Variants in MON1B observed in about 807,000 individuals in gnomAD.
MON1B encodes vacuolar fusion protein MON1 homolog B.
A neutral mutation model predicts 45.1 loss-of-function variants in MON1B; 26 were observed. That is an observed-to-expected ratio of 0.58 (90% CI 0.42 to 0.80). MON1B has a LOEUF of 0.80. MON1B is among the 30% of genes least tolerant of loss of function. The pLI, the probability that MON1B is intolerant of heterozygous loss-of-function variation, is 0.00. For synonymous variants in MON1B, 395 were observed against 320.2 expected, an observed-to-expected ratio of 1.23 and a Z score of -2.49; for missense variants, 737 against 754.5, an observed-to-expected ratio of 0.98 and a Z score of 0.27.
chr16:77,200,693 T>A lies in MON1B; in HGVS notation c.*2385T>A, dbSNP rs1172112703. 1 of 145,116 alleles carries A rather than the reference T, an allele frequency of 6.9e-6. No homozygotes were observed. Among genetic ancestry groups the A allele is most frequent in the Non-Finnish European group, 1.5e-5 (1 of 67,206 alleles). 9.0% of individuals were successfully genotyped at this position (145,116 alleles called of 1,614,324 possible). On this transcript the variant is annotated 3_prime_UTR_variant, in exon 6 of 6. Transcript: ENST00000248248. ...ATTGCTTGAACCCGGGAGGCAGAGG[T>A]TATCGTGAGCTGACATTGCGCCACT...
Position 77,193,034 on chromosome 16 carries a change from G to C in MON1B, c.149-417G>C, listed in dbSNP as rs1488653722. Among the ~76,000 whole-genome samples the C allele has an allele frequency of 6.6e-6, 1 of 151,978 alleles. No individual in the cohort carries two copies. The highest frequency in any genetic ancestry group is 1.5e-5 in the Non-Finnish European group (1 of 68,010). ...TAAGATATTAATAGATGTTAATGGTGGCCATTGGGTGAGCAGATATCAGGA... is the reference window on the plus strand; with the variant it reads ...TAAGATATTAATAGATGTTAATGGTCGCCATTGGGTGAGCAGATATCAGGA... On this transcript the variant is annotated intron_variant, in intron 2 of 5. Transcript: ENST00000248248. This position sits in a 1 kb window ranked among gnomAD's most constrained non-coding sequence, Gnocchi z 5.0.
At position 77,191,205 on chromosome 16, in the gene MON1B, G is replaced by A. The variant is rs1343894134; in HGVS notation, c.-64G>A. ...CCGCACCCGGAAGTGTGATGCCACC[G>A]CCGCTACGGGGAAGTAATGGTATCC... On this transcript the variant is annotated 5_prime_UTR_variant, in exon 1 of 6. Coordinates refer to ENST00000248248, the MANE Select transcript of MON1B (RefSeq NM_014940.4). 1.2e-5 allele frequency: 19 copies of A among 1,536,024 alleles called. No individual in the cohort carries two copies. The highest frequency in any genetic ancestry group is 1.7e-4 in the Middle Eastern group (1 of 5,972).
chr16:77,197,303 G>A (rs934611055), intron 5 of MON1B, among the ~76,000 whole-genome samples: 5 of 152,154 alleles, frequency 3.3e-5, no homozygotes, highest in Admixed American at 1.3e-4. Context: ...GGCTGAGGCA[G>A]GAGAATCGCT....
At position 77,195,560 on chromosome 16, in the gene MON1B, A is replaced by G. The variant is rs747931127; in HGVS notation, c.1321A>G (p.Arg441Gly). Reference sequence around the variant, plus strand: ...CCCTGAGCTAGAGGCCCCCTACAGCAGAGAGGAGGAGCGGCAGCGGCTGTC... The same window carrying G: ...CCCTGAGCTAGAGGCCCCCTACAGCGGAGAGGAGGAGCGGCAGCGGCTGTC... ...TSPELEAPYSREEERQRLSDL... is the reference protein window; with the variant it reads ...TSPELEAPYSGEEERQRLSDL... The change falls in exon 5 of 6, where the codon AGA (arginine) becomes GGA (glycine). Residue 441 changes from arginine (R) to glycine (G), a missense_variant. Coordinates refer to ENST00000248248, the MANE Select transcript of MON1B (RefSeq NM_014940.4). 2.0e-5 allele frequency: 32 copies of G among 1,613,976 alleles called. No homozygotes were observed. The South Asian group carries it at 3.3e-4, about 17-fold the overall frequency.
chr16:77,196,647 G>A (rs12928712), intron 5 of MON1B, among the ~76,000 whole-genome samples: 4,785 of 152,208 alleles, frequency 0.031, 106 homozygotes, highest in African/African-American at 0.049. Context: ...GTGGTGGTGC[G>A]CACCTGTAGT....
At chr16:77,195,502 A>T in intron 4 of MON1B, 33 bp from the exon 5 acceptor site, 1 of 1,597,412 alleles carries the variant, frequency 6.3e-7, no homozygotes, top group Non-Finnish European at 8.5e-7. Context: ...GCCCTGGACT[A>T]ACCTTGTCCT....
Position 77,193,339 on chromosome 16 carries a change from G to C in MON1B, c.149-112G>C. 1 of 1,047,792 alleles carries C rather than the reference G, an allele frequency of 9.5e-7. No individual in the cohort carries two copies. Among genetic ancestry groups the C allele is most frequent in the Non-Finnish European group, 1.4e-6 (1 of 726,458 alleles). 64.9% of individuals were successfully genotyped at this position (1,047,792 alleles called of 1,614,324 possible). A position where few individuals can be genotyped will look rare whatever the true frequency, so the allele number is the denominator to read the frequency against. On this transcript the variant is annotated intron_variant, in intron 2 of 5. Transcript: ENST00000248248. The surrounding 1 kb of genome is among the most constrained non-coding windows in gnomAD (Gnocchi z 5.0). ...GGGCATAGGAGACACTTGGAGTTCT[G>C]CGTCAGCATGCAGGGGTCATGGAGG...
rs894796565 is a variant in MON1B, at chr16:77,200,995, A to G, written c.*2687A>G. ...TTTAAACCACTGTATTAACAAACAC[A>G]TTAGACTGCATCCTGCCAGACCTAC... is the stretch of plus-strand genomic sequence containing the variant. On this transcript the variant is annotated 3_prime_UTR_variant, in exon 6 of 6. Transcript: ENST00000248248. 2 of 152,182 alleles carry G rather than the reference A, an allele frequency of 1.3e-5. No homozygotes were observed. The highest frequency in any genetic ancestry group is 2.1e-4 in the South Asian group (1 of 4,832). The allele number at this position is 152,182 out of a possible 1,614,324, so 9.4% of individuals were successfully genotyped here. A position where few individuals can be genotyped will look rare whatever the true frequency, so the allele number is the denominator to read the frequency against.
chr16:77,193,634 A>T lies in MON1B; in HGVS notation c.332A>T (p.His111Leu). 1.9e-6 allele frequency: 3 copies of T among 1,614,090 alleles called. No homozygotes were observed. The highest frequency in any genetic ancestry group is 2.5e-6 in the Non-Finnish European group (3 of 1,179,986). The change falls in exon 3 of 6, where the codon CAT becomes CTT. Residue 111 changes from histidine (H) to leucine (L), a missense_variant. His to Leu is a moderately conservative substitution (Grantham distance 99). Transcript: ENST00000248248. This position sits in a 1 kb window ranked among gnomAD's most constrained non-coding sequence, Gnocchi z 5.0. ...SDEEWRSQRK[H>L]VFVLSEAGKP... ...GAGGAGTGGCGCAGCCAGCGGAAGC[A>T]TGTGTTTGTGCTGAGTGAGGCTGGC...
chr16:77,191,361 A>G (rs2054612891), intron 1 of MON1B, 103 bp downstream of exon 1: 6 of 1,574,406 alleles, frequency 3.8e-6, no homozygotes, highest in Non-Finnish European at 2.6e-6. Context: ...GTCTCGTCCT[A>G]TTGAAATCCG....
chr16:77,195,360 G>A (rs1451824185), intron 4 of MON1B, among the ~76,000 whole-genome samples, 175 bp from the exon 5 acceptor site: 4 of 152,288 alleles, frequency 2.6e-5, no homozygotes, highest in East Asian at 3.9e-4. Context: ...CTAGTACTCA[G>A]GGAATCTCCT....
chr16:77,199,773 C>T lies in MON1B; in HGVS notation c.*1465C>T, dbSNP rs528352318. 1.5e-4 allele frequency: 53 copies of T among 359,530 alleles called. No homozygotes were observed. In the South Asian group the frequency reaches 2.4e-3, roughly 16 times the overall value. The allele number at this position is 359,530 out of a possible 1,614,324, so 22.3% of individuals were successfully genotyped here. On this transcript the variant is annotated 3_prime_UTR_variant, in exon 6 of 6. Transcript: ENST00000248248. Reference sequence around the variant, plus strand: ...AAAGTAAACAACATGTAGTTCAGTACGAAAGTCTTCAAACAAAAGTGGGGC... The same window carrying T: ...AAAGTAAACAACATGTAGTTCAGTATGAAAGTCTTCAAACAAAAGTGGGGC...
chr16:77,197,194 G>A (rs568006031), intron 5 of MON1B, among the ~76,000 whole-genome samples: 4 of 152,062 alleles, frequency 2.6e-5, no homozygotes, highest in East Asian at 2.0e-4. Context: ...TCAGGAGTTC[G>A]AGACCAGCCT....
chr16:77,193,297 G>C lies in MON1B; in HGVS notation c.149-154G>C, dbSNP rs1216323618. The C allele has an allele frequency of 1.5e-6, 1 of 668,900 alleles. No individual in the cohort carries two copies. 41.4% of individuals were successfully genotyped at this position (668,900 alleles called of 1,614,324 possible). A position where few individuals can be genotyped will look rare whatever the true frequency, so the allele number is the denominator to read the frequency against. ...GAGATCATTGCGGGGTCCTAGGGCA[G>C]TCATCGGGTCATTGAGGGGCATAGG... On this transcript the variant is annotated intron_variant, in intron 2 of 5. Transcript: ENST00000248248. The surrounding 1 kb of genome is among the most constrained non-coding windows in gnomAD (Gnocchi z 5.0).
rs913967906 is a variant in MON1B, at chr16:77,199,175, C to T, written c.*867C>T. 7.0e-5 allele frequency: 31 copies of T among 442,566 alleles called. No individual in the cohort carries two copies. Among genetic ancestry groups the T allele is most frequent in the Non-Finnish European group, 1.1e-4 (27 of 248,764 alleles). 27.4% of individuals were successfully genotyped at this position (442,566 alleles called of 1,614,324 possible). ...AGCAGCCTAAAGCAGGAGAGACCTC[C>T]CTAGGGTTTTGTGTGTGTGCACACT... is the stretch of plus-strand genomic sequence containing the variant. On this transcript the variant is annotated 3_prime_UTR_variant, in exon 6 of 6. Transcript: ENST00000248248.
chr16:77,197,483 C>T (rs2054677309), intron 5 of MON1B, among the ~76,000 whole-genome samples: 1 of 152,120 alleles, frequency 6.6e-6, no homozygotes, highest in Non-Finnish European at 1.5e-5. Flanking sequence ...GAGCAGATGG[C>T]ATCTGAGTGG....
chr16:77,201,077 C>A lies in MON1B; in HGVS notation c.*2769C>A, dbSNP rs2054737470. 6.6e-6 allele frequency: 1 copy of A among 152,160 alleles called. No individual in the cohort carries two copies. Among genetic ancestry groups the A allele is most frequent in the South Asian group, 2.1e-4 (1 of 4,824 alleles). 9.4% of individuals were successfully genotyped at this position (152,160 alleles called of 1,614,324 possible). On this transcript the variant is annotated 3_prime_UTR_variant, in exon 6 of 6. Transcript: ENST00000248248. ...TATTGCCTGACCTAGGATGTGAGCT[C>A]CATGAGAACAGAGACTGTTTACCTC...
At position 77,200,291 on chromosome 16, in the gene MON1B, T is replaced by TATATATATATATATATATATACAC; in HGVS notation, c.*1984_*1985insTATATATATATATATATATACACA. 391 of 111,218 alleles carry TATATATATATATATATATATACAC rather than the reference T, an allele frequency of 3.5e-3. 9 individuals are homozygous for TATATATATATATATATATATACAC. Among genetic ancestry groups the TATATATATATATATATATATACAC allele is most frequent in the African/African-American group, 0.011 (319 of 29,630 alleles). 6.9% of individuals were successfully genotyped at this position (111,218 alleles called of 1,614,324 possible). A position where few individuals can be genotyped will look rare whatever the true frequency, so the allele number is the denominator to read the frequency against. ...ATATATGTGTATATATATATATATA[T>TATATATATATATATATATATACAC]ACACACACTAATCAGCCGGGCGCGG... On this transcript the variant is annotated 3_prime_UTR_variant, in exon 6 of 6. Coordinates refer to ENST00000248248, the MANE Select transcript of MON1B (RefSeq NM_014940.4).
rs115940881 is a variant in MON1B, at chr16:77,195,216, C to A, written c.1295+62C>A. On this transcript the variant is annotated intron_variant, in intron 4 of 5. Coordinates refer to ENST00000248248, the MANE Select transcript of MON1B (RefSeq NM_014940.4). Reference sequence around the variant, plus strand: ...AGGCCTGTCAAACCAGGAAGTTCAGCATCTCAGGGATGTGACTCAGGAGAG... The same window carrying A: ...AGGCCTGTCAAACCAGGAAGTTCAGAATCTCAGGGATGTGACTCAGGAGAG... The A allele has an allele frequency of 4.0e-5, 57 of 1,409,866 alleles. No individual in the cohort carries two copies. In the Middle Eastern group the frequency reaches 8.0e-4, roughly 20 times the overall value. 87.3% of individuals were successfully genotyped at this position (1,409,866 alleles called of 1,614,324 possible). A position where few individuals can be genotyped will look rare whatever the true frequency, so the allele number is the denominator to read the frequency against.
Sources: allele counts gnomAD v4.1 joint callset (sites outside exome capture counted in the v4.1 genomes callset), GRCh38; gene constraint gnomAD v4.1.1; non-coding constraint Gnocchi (gnomAD v3.1); transcripts MANE v1.5; gene names NCBI Gene and HGNC (gene_info 2026-07-23, HGNC 2026-07-21).